AGAP1: variants seen among roughly 807,000 people sequenced by gnomAD.
The protein encoded by AGAP1 is arf-GAP with GTPase, ANK repeat and PH domain-containing protein 1.
In AGAP1, 29 loss-of-function variants were observed where a neutral mutation model predicts 105.3. That is an observed-to-expected ratio of 0.28 (90% CI 0.21 to 0.38). AGAP1 has a LOEUF of 0.38. Among genes scored for constraint, AGAP1 ranks in the 10% least tolerant of loss-of-function variants. The probability of loss-of-function intolerance (pLI) is 1.00; values close to 1 mark genes in which losing one functional copy is unlikely to be tolerated. For missense variants in AGAP1, 998 were observed against 1,165.1 expected (o/e 0.86, Z 2.09); for synonymous variants, 509 against 485.9 (o/e 1.05, Z -0.63).
At chr2:235,999,890 G>A (rs896829930) in intron 13 of AGAP1, among the ~76,000 whole-genome samples, 12 of 152,048 alleles carry the variant, frequency 7.9e-5, no homozygotes, top group East Asian at 1.9e-4. Flanking sequence ...TGTAAGTCAC[G>A]ATTTGTGGGT....
At chr2:235,775,257 A>G (rs1575422864) in intron 6 of AGAP1, among the ~76,000 whole-genome samples, 1 of 152,280 alleles carries the variant, frequency 6.6e-6, no homozygotes, top group Middle Eastern at 3.4e-3. Context: ...GGATTTTGTC[A>G]TGGGGTGTGT....
rs985662934 is a variant in AGAP1 at position 235,945,257 on chromosome 2, C to T, written c.1483+14334C>T. 4.6e-5 allele frequency among the ~76,000 whole-genome samples: 7 copies of T among 152,174 alleles called. No homozygotes were observed. In the South Asian group the frequency reaches 6.2e-4, roughly 14 times the overall value. Reference sequence around the variant, plus strand: ...CTGGGGCTACAGGTGCCCGCCACCGCGCCCGGCTAATTTTTTGTATTTTTA... The same window carrying T: ...CTGGGGCTACAGGTGCCCGCCACCGTGCCCGGCTAATTTTTTGTATTTTTA... On this transcript the variant is annotated intron_variant, in intron 12 of 17. Coordinates refer to ENST00000304032, the MANE Select transcript of AGAP1 (RefSeq NM_001037131.3).
intron 13 of AGAP1, among the ~76,000 whole-genome samples, chr2:236,021,037 G>A (rs931070707): frequency 3.3e-5 from 5 of 151,926 alleles, no homozygotes; most frequent in South Asian, 2.1e-4. Context: ...ATGGTGGTGC[G>A]TGCCTGTAAT....
chr2:235,711,545 C>T (rs561879211), intron 2 of AGAP1, among the ~76,000 whole-genome samples: 13 of 152,328 alleles, frequency 8.5e-5, no homozygotes, highest in East Asian at 7.7e-4. Flanking sequence ...TTGCTGACAC[C>T]GTGGGCTTCG....
chr2:235,774,519 C>A, intron 6 of AGAP1: 1 of 333,204 alleles, frequency 3.0e-6, no homozygotes, highest in South Asian at 2.4e-5. Context: ...GTGTAGTAGC[C>A]TAAAAATTGC....
intron 1 of AGAP1, among the ~76,000 whole-genome samples, chr2:235,576,242 A>G (rs916889633): frequency 3.3e-5 from 5 of 152,170 alleles, no homozygotes; most frequent in African/African-American, 4.8e-5. Flanking sequence ...CCTCTGTGCT[A>G]TGAGTCTTTG....
At chr2:236,008,215 C>T (rs2125548426) in intron 13 of AGAP1, among the ~76,000 whole-genome samples, 1 of 152,202 alleles carries the variant, frequency 6.6e-6, no homozygotes, top group South Asian at 2.1e-4. Context: ...TGGCTGGGGC[C>T]CAACCACACC....
At chr2:236,043,736 A>AAGTG (rs537659767) in intron 15 of AGAP1, among the ~76,000 whole-genome samples, 6 of 138,686 alleles carry the variant, frequency 4.3e-5, no homozygotes, top group African/African-American at 8.5e-5. Context: ...AAAAAAAAAA[A>AAGTG]GTGGGGGGGG....
chr2:235,934,779 C>G lies in AGAP1; in HGVS notation c.1483+3856C>G, dbSNP rs1248709178. Among the ~76,000 whole-genome samples the G allele has an allele frequency of 1.3e-5, 2 of 152,132 alleles. No individual in the cohort carries two copies. The highest frequency in any genetic ancestry group is 4.8e-5 in the African/African-American group (2 of 41,420). Reference sequence around the variant, plus strand: ...GGCAGCAGGAATGAATGGGGAGAGCCTAAGCAGCTTTGGAATACAGACGCC... The same window carrying G: ...GGCAGCAGGAATGAATGGGGAGAGCGTAAGCAGCTTTGGAATACAGACGCC... On this transcript the variant is annotated intron_variant, in intron 12 of 17. Coordinates refer to ENST00000304032, the MANE Select transcript of AGAP1 (RefSeq NM_001037131.3). The surrounding 1 kb of genome is among the most constrained non-coding windows in gnomAD (Gnocchi z 4.9).
At chr2:235,995,990 G>A (rs899034288) in intron 13 of AGAP1, among the ~76,000 whole-genome samples, 1 of 152,156 alleles carries the variant, frequency 6.6e-6, no homozygotes, top group African/African-American at 2.4e-5. Flanking sequence ...TCCCTGCAGT[G>A]TTATTAGCTG....
chr2:235,632,823 G>A (rs1946872480), intron 1 of AGAP1, among the ~76,000 whole-genome samples: 1 of 152,206 alleles, frequency 6.6e-6, no homozygotes, highest in African/African-American at 2.4e-5. Flanking sequence ...ACCTGGTGGT[G>A]TGCTGGTGTG....
intron 1 of AGAP1, among the ~76,000 whole-genome samples, chr2:235,590,192 C>T (rs1484411216): frequency 6.6e-6 from 1 of 152,116 alleles, no homozygotes; most frequent in African/African-American, 2.4e-5. Context: ...TTTCTTTTCT[C>T]TCACTGTTAC....
chr2:235,935,072 GAAGAA>G (rs2052924265), intron 12 of AGAP1, among the ~76,000 whole-genome samples: 1 of 152,206 alleles, frequency 6.6e-6, no homozygotes. Context: ...ATTAAGGGAA[GAAGAA>G]AAGAATCCAT....
intron 1 of AGAP1, among the ~76,000 whole-genome samples, chr2:235,706,988 G>T (rs1282099098): frequency 6.6e-6 from 1 of 152,236 alleles, no homozygotes. Flanking sequence ...CGCTTGCTGG[G>T]TGTCAGGCCC....
At position 236,104,956 on chromosome 2, in the gene AGAP1, G is replaced by A. The variant is rs557628590; in HGVS notation, c.2115-15236G>A. Among the ~76,000 whole-genome samples, 26 of 152,258 alleles carry A rather than the reference G, an allele frequency of 1.7e-4. No homozygotes were observed. Among genetic ancestry groups the A allele is most frequent in the African/African-American group, 6.3e-4 (26 of 41,550 alleles). ...GCCCTCGAGGTACCAGAGCAGAGCTGTGGATGCCCGTCTAAGCCTGTGCCC... is the reference window on the plus strand; with the variant it reads ...GCCCTCGAGGTACCAGAGCAGAGCTATGGATGCCCGTCTAAGCCTGTGCCC... On this transcript the variant is annotated intron_variant, in intron 16 of 17. Transcript: ENST00000304032. The surrounding 1 kb of genome is among the most constrained non-coding windows in gnomAD (Gnocchi z 4.7).
intron 16 of AGAP1, among the ~76,000 whole-genome samples, chr2:236,067,604 G>A (rs1472248503): frequency 6.6e-6 from 1 of 152,188 alleles, no homozygotes; most frequent in Non-Finnish European, 1.5e-5. Flanking sequence ...ATTTTCTTAG[G>A]AAGTAGTGTG....
In AGAP1 at chr2:236,114,972, G is replaced by A. The variant is rs879263177; in HGVS notation, c.2115-5220G>A. Among the ~76,000 whole-genome samples the A allele has an allele frequency of 4.6e-5, 7 of 152,082 alleles. No individual in the cohort carries two copies. Among genetic ancestry groups the A allele is most frequent in the Admixed American group, 2.6e-4 (4 of 15,270 alleles). On this transcript the variant is annotated intron_variant, in intron 16 of 17. Coordinates refer to ENST00000304032, the MANE Select transcript of AGAP1 (RefSeq NM_001037131.3). The surrounding 1 kb of genome is among the most constrained non-coding windows in gnomAD (Gnocchi z 5.0). ...AGTCTCAGGATCCTCTGCACCCTCG[G>A]GGGAGCTCACAAGATGCCAGCAGGC...
chr2:235,984,204 A>G (rs1252953378), intron 13 of AGAP1, among the ~76,000 whole-genome samples: 1 of 152,196 alleles, frequency 6.6e-6, no homozygotes, highest in Non-Finnish European at 1.5e-5. Context: ...ATTTGGCATA[A>G]TGTTCCATGT....
chr2:235,773,199 C>CT (rs1165800601), intron 6 of AGAP1, among the ~76,000 whole-genome samples: 1 of 152,190 alleles, frequency 6.6e-6, no homozygotes, highest in Admixed American at 6.5e-5. Flanking sequence ...TAAATATCCT[C>CT]TAGAGGTTTC....
Sources: gnomAD v4.1 joint callset for allele counts (sites outside exome capture counted in the v4.1 genomes callset) on GRCh38, gnomAD v4.1.1 for gene constraint, Gnocchi (gnomAD v3.1) non-coding constraint, MANE v1.5 for transcripts, NCBI Gene and HGNC (gene_info 2026-07-23, HGNC 2026-07-21) for gene names.